The following TMC5 variants were observed in gnomAD, a reference collection of about 807,000 sequenced individuals.
TMC5 encodes the protein transmembrane channel like 5, also known as transmembrane channel-like protein 5.
TMC5 carries 86 observed loss-of-function variants against 110.5 expected under a neutral mutation model. The observed-to-expected ratio is 0.78, with a 90% CI of 0.65 to 0.93. TMC5 has a LOEUF of 0.93. Ranked by LOEUF, TMC5 falls within the 40% of genes least tolerant of loss-of-function variation. The pLI is 0.00. For missense variants in TMC5, 1,144 were observed against 1,222.8 expected (o/e 0.94, Z 0.96); for synonymous variants, 455 against 439.5 (o/e 1.04, Z -0.44).
At chr16:19,416,921 C>G (rs994195795), upstream of TMC5, among the ~76,000 whole-genome samples, 8 of 151,586 alleles carry the variant, frequency 5.3e-5, no homozygotes, top group African/African-American at 1.9e-4. Context: ...TGGTGAAACC[C>G]CATCTCTACT....
In TMC5 at chr16:19,440,599, T is replaced by C; in HGVS notation, c.561T>C (p.Asn187=). Residue 187 remains asparagine (N), a synonymous_variant, in exon 3 of 22, where the codon AAT becomes AAC. Coordinates refer to ENST00000542583, the MANE Select transcript of TMC5 (RefSeq NM_001261841.2). ...TGAACCATCCAGGATCCAGAAAGAA[T>C]CTGGAACATACAAGTTTTAGAATCA... ...ANLNHPGSRK[N]LEHTSFRINP... 4 of 1,614,152 alleles carry C rather than the reference T, an allele frequency of 2.5e-6. No individual in the cohort carries two copies. Among genetic ancestry groups the C allele is most frequent in the Non-Finnish European group, 3.4e-6 (4 of 1,180,032 alleles).
chr16:19,454,940 A>T (rs1967830138), intron 5 of TMC5, among the ~76,000 whole-genome samples: 1 of 152,072 alleles, frequency 6.6e-6, no homozygotes, highest in African/African-American at 2.4e-5. Flanking sequence ...GGGGTTCGAG[A>T]CCAGCCTGGA....
At chr16:19,447,473 A>T (rs968801933) in intron 4 of TMC5, among the ~76,000 whole-genome samples, 1 of 152,198 alleles carries the variant, frequency 6.6e-6, no homozygotes, top group Non-Finnish European at 1.5e-5. Flanking sequence ...CTACTATAAC[A>T]GTTAATATAT....
At chr16:19,462,617 C>T (rs929950545) in intron 6 of TMC5, 14 of 678,674 alleles carry the variant, frequency 2.1e-5, no homozygotes, top group South Asian at 3.2e-5. Flanking sequence ...ACCATCAGAT[C>T]GGCTGGGTGT....
intron 5 of TMC5, among the ~76,000 whole-genome samples, chr16:19,457,706 A>ATTTT (rs1555483103): frequency 2.9e-4 from 12 of 41,066 alleles, no homozygotes; most frequent in Non-Finnish European, 7.2e-4. Flanking sequence ...CCAAGACTAC[A>ATTTT]TTCTTTTTTT....
At chr16:19,447,603 A>G (rs1412386732) in intron 4 of TMC5, among the ~76,000 whole-genome samples, 2 of 152,082 alleles carry the variant, frequency 1.3e-5, no homozygotes, top group African/African-American at 4.8e-5. Context: ...TTTATTTTTC[A>G]GACAAAATGC....
At position 19,449,472 on chromosome 16, in the gene TMC5, A is replaced by G. The variant is rs932722235; in HGVS notation, c.959-70A>G. 3.8e-6 allele frequency: 5 copies of G among 1,313,958 alleles called. No individual in the cohort carries two copies. In the African/African-American group the frequency reaches 4.4e-5, roughly 11 times the overall value. The allele number at this position is 1,313,958 out of a possible 1,614,324, so 81.4% of individuals were successfully genotyped here. A position where few individuals can be genotyped will look rare whatever the true frequency, so the allele number is the denominator to read the frequency against. On this transcript the variant is annotated intron_variant, in intron 4 of 21. Coordinates refer to ENST00000542583, the MANE Select transcript of TMC5 (RefSeq NM_001261841.2). ...TTACGAACCACTATTAGCACATCAT[A>G]ACTATTGCATGCCAGGAATGTCTAG... is the stretch of plus-strand genomic sequence containing the variant.
At chr16:19,487,475 G>C in intron 17 of TMC5, 149 bp downstream of exon 17, 1 of 1,076,484 alleles carries the variant, frequency 9.3e-7, no homozygotes, top group African/African-American at 1.6e-5. Context: ...GCCAAGGCGG[G>C]TGGATCACTT....
intron 19 of TMC5, among the ~76,000 whole-genome samples, chr16:19,493,548 C>T (rs1359222268): frequency 6.6e-6 from 1 of 151,550 alleles, no homozygotes; most frequent in East Asian, 2.0e-4. Flanking sequence ...GCAACTTCTG[C>T]CTCCTGGGTT....
chr16:19,451,911 G>A (rs532934399), intron 5 of TMC5, among the ~76,000 whole-genome samples: 337 of 152,284 alleles, frequency 2.2e-3, no homozygotes, highest in African/African-American at 7.7e-3. Context: ...CGATTCTTGT[G>A]CCTCAGCCTC....
intron 10 of TMC5, among the ~76,000 whole-genome samples, chr16:19,470,876 A>G (rs1442460443): frequency 3.3e-5 from 5 of 151,910 alleles, no homozygotes; most frequent in Admixed American, 1.3e-4. Flanking sequence ...TACTAAAAAA[A>G]GGACAAAAAA....
intron 1 of TMC5, among the ~76,000 whole-genome samples, chr16:19,430,103 T>C (rs1440791644): frequency 6.6e-6 from 1 of 152,156 alleles, no homozygotes; most frequent in East Asian, 1.9e-4. Flanking sequence ...AGTGGCACCT[T>C]CCAGACAGGG....
intron 5 of TMC5, among the ~76,000 whole-genome samples, chr16:19,455,307 G>C (rs1049605939): frequency 6.6e-6 from 1 of 151,990 alleles, no homozygotes. Flanking sequence ...AATTTGCCAG[G>C]CTACTCAGGA....
At chr16:19,448,681 ATATT>A (rs1356992427) in intron 4 of TMC5, among the ~76,000 whole-genome samples, 14 of 79,888 alleles carry the variant, frequency 1.8e-4, no homozygotes, top group African/African-American at 3.4e-4. Flanking sequence ...ATTAAAATAT[ATATT>A]TATAGATAAT....
At position 19,469,690 on chromosome 16, in the gene TMC5, G is replaced by A. The variant is rs1968278939; in HGVS notation, c.1647G>A (p.Lys549=). 1 of 1,613,902 alleles carries A rather than the reference G, an allele frequency of 6.2e-7. No homozygotes were observed. Among genetic ancestry groups the A allele is most frequent in the African/African-American group, 1.3e-5 (1 of 74,926 alleles). The change falls in exon 10 of 22, where the codon AAG becomes AAA. Residue 549 remains lysine, a synonymous_variant. Coordinates refer to ENST00000542583, the MANE Select transcript of TMC5 (RefSeq NM_001261841.2). ...CFFSLLFSMA[K]YFRNNFINPH... is the part of the protein sequence containing the mutation. ...TTTCTGCCTTCTCTAGCATGGCCAA[G>A]TATTTCCGGAACAACTTCATTAATC...
chr16:19,471,834 C>T (rs1412661426), intron 10 of TMC5, among the ~76,000 whole-genome samples: 2 of 152,208 alleles, frequency 1.3e-5, no homozygotes, highest in South Asian at 2.1e-4. Context: ...CATCTCTCCT[C>T]ACTACAACCT....
intron 4 of TMC5, 62 bp downstream of exon 4, chr16:19,444,312 G>T: frequency 6.7e-7 from 1 of 1,501,132 alleles, no homozygotes; most frequent in South Asian, 1.2e-5. Flanking sequence ...GGATTTAGGG[G>T]TGCAATCATT....
At position 19,492,915 on chromosome 16, in the gene TMC5, G is replaced by GATAGATATATATATATATATAT. The variant is rs58561457; in HGVS notation, c.2826+690_2826+691insGATATATATATATATATATATA. On this transcript the variant is annotated intron_variant, in intron 19 of 21. Coordinates refer to ENST00000542583, the MANE Select transcript of TMC5 (RefSeq NM_001261841.2). ...ATTATTTTTTATTTATTAAAACTTA[G>GATAGATATATATATATATATAT]ATATATATATATATATATCTCTCTA... 8.7e-4 allele frequency among the ~76,000 whole-genome samples: 37 copies of GATAGATATATATATATATATAT among 42,758 alleles called. 2 individuals carry two copies. Among genetic ancestry groups the GATAGATATATATATATATATAT allele is most frequent in the South Asian group, 1.2e-3 (1 of 840 alleles). The allele number at this position is 42,758 out of a possible 152,430, so 28.1% of individuals were successfully genotyped here. A position where few individuals can be genotyped will look rare whatever the true frequency, so the allele number is the denominator to read the frequency against.
intron 2 of TMC5, among the ~76,000 whole-genome samples, chr16:19,436,304 A>C (rs891302449): frequency 2.0e-5 from 3 of 150,808 alleles, no homozygotes; most frequent in Admixed American, 6.6e-5. Context: ...AAGAAAAAGA[A>C]AAACAGTTTC....
Sources: gnomAD v4.1 joint callset for allele counts (sites outside exome capture counted in the v4.1 genomes callset) on GRCh38, gnomAD v4.1.1 for gene constraint, MANE v1.5 for transcripts, NCBI Gene and HGNC (gene_info 2026-07-23, HGNC 2026-07-21) for gene names.